Variants in PKIB observed in about 807,000 individuals in gnomAD.
The protein encoded by PKIB is PKI-beta.
In PKIB, 2 loss-of-function variants were observed where a neutral mutation model predicts 4.5. The ratio of observed to expected loss-of-function variants is 0.44; its 90% CI spans 0.18 to 1.39. The LOEUF (loss-of-function observed/expected upper bound fraction) is 1.39, where lower values mean the gene tolerates loss of function less well. PKIB is among the 40% of genes most tolerant of loss of function. The probability of loss-of-function intolerance (pLI) is 0.27; values close to 1 mark genes in which losing one functional copy is unlikely to be tolerated. For missense variants in PKIB, 94 were observed against 92.6 expected, an observed-to-expected ratio of 1.02 and a Z score of -0.06; for synonymous variants, 38 against 36.0, an observed-to-expected ratio of 1.06 and a Z score of -0.20.
intron 2 of PKIB, among the ~76,000 whole-genome samples, chr6:122,659,555 C>T (rs1776905086): frequency 6.6e-6 from 1 of 152,032 alleles, no homozygotes; most frequent in African/African-American, 2.4e-5. Context: ...TATGATTTTC[C>T]TTTCAAACAG....
intron 4 of PKIB, among the ~76,000 whole-genome samples, chr6:122,722,778 A>C (rs982088900): frequency 6.6e-6 from 1 of 152,134 alleles, no homozygotes; most frequent in Non-Finnish European, 1.5e-5. Context: ...CTACTGTCCT[A>C]GTTCTCCATT....
At chr6:122,519,435 C>T (rs1776867619) in intron 2 of PKIB, among the ~76,000 whole-genome samples, 2 of 151,916 alleles carry the variant, frequency 1.3e-5, no homozygotes, top group South Asian at 4.2e-4. Flanking sequence ...TTGCATCATC[C>T]CAAAACCACC....
intron 1 of PKIB, among the ~76,000 whole-genome samples, chr6:122,621,335 A>T (rs1201731964): frequency 1.3e-5 from 2 of 152,170 alleles, no homozygotes; most frequent in Non-Finnish European, 2.9e-5. Context: ...TACCTCCTTG[A>T]TGCTAAGGAA....
chr6:122,522,108 A>G (rs1776962694), intron 2 of PKIB, among the ~76,000 whole-genome samples: 1 of 151,942 alleles, frequency 6.6e-6, no homozygotes, highest in African/African-American at 2.4e-5. Flanking sequence ...TCATTTCCAT[A>G]TTCTAAAATA....
intron 3 of PKIB, among the ~76,000 whole-genome samples, chr6:122,683,811 T>TTTCTTTCTATTGTTAGTTTAG (rs1309070399): frequency 1.8e-4 from 27 of 152,260 alleles, no homozygotes; most frequent in South Asian, 8.3e-4. Flanking sequence ...AATCAGAAAC[T>TTTCTTTCTATTGTTAGTTTAG]TTCCCCTAAA....
intron 2 of PKIB, among the ~76,000 whole-genome samples, chr6:122,674,609 TGG>T: frequency 6.6e-6 from 1 of 152,328 alleles, no homozygotes; most frequent in Non-Finnish European, 1.5e-5. Flanking sequence ...CTGGTAATAT[TGG>T]TACAATGCCT....
chr6:122,602,955 C>CA (rs71021410), intron 3 of PKIB, among the ~76,000 whole-genome samples: 28,650 of 74,706 alleles, frequency 0.38, 5,889 homozygotes, highest in Middle Eastern at 0.48. Context: ...GACTGCGTCT[C>CA]AAAAAAAAAA....
chr6:122,706,357 C>G (rs1231217493), intron 3 of PKIB, among the ~76,000 whole-genome samples: 1 of 152,134 alleles, frequency 6.6e-6, no homozygotes, highest in Non-Finnish European at 1.5e-5. Flanking sequence ...GTTCACAACT[C>G]TTTCAGGGTG....
At chr6:122,476,266 T>C (rs1197974211) in intron 1 of PKIB, among the ~76,000 whole-genome samples, 1 of 152,180 alleles carries the variant, frequency 6.6e-6, no homozygotes, top group African/African-American at 2.4e-5. Flanking sequence ...GTAAACATGT[T>C]TAAGTATTTC....
At chr6:122,669,171 A>G (rs148266121) in intron 2 of PKIB, among the ~76,000 whole-genome samples, 1 of 152,320 alleles carries the variant, frequency 6.6e-6, no homozygotes, top group African/African-American at 2.4e-5. Context: ...TATTGTGAGA[A>G]TTTAAAAAGG....
intron 3 of PKIB, among the ~76,000 whole-genome samples, chr6:122,681,657 A>G (rs1777900227): frequency 1.3e-5 from 2 of 152,250 alleles, no homozygotes; most frequent in African/African-American, 2.4e-5. Context: ...ATAAAGATCA[A>G]TATGTCACCA....
At chr6:122,658,432 G>C (rs1776856772) in intron 2 of PKIB, among the ~76,000 whole-genome samples, 1 of 152,134 alleles carries the variant, frequency 6.6e-6, no homozygotes, top group African/African-American at 2.4e-5. Flanking sequence ...TTTGCTGAGT[G>C]CTTTAAGATT....
At chr6:122,686,851 ATATTT>A (rs1778111683) in intron 3 of PKIB, among the ~76,000 whole-genome samples, 1 of 152,136 alleles carries the variant, frequency 6.6e-6, no homozygotes. Flanking sequence ...AGATCCTTAT[ATATTT>A]TAATTATTAA....
chr6:122,577,997 G>T (rs561297655), intron 2 of PKIB, among the ~76,000 whole-genome samples: 1 of 151,754 alleles, frequency 6.6e-6, no homozygotes, highest in Non-Finnish European at 1.5e-5. Context: ...CATAGTTAGA[G>T]GAGTTTTTTT....
intron 2 of PKIB, among the ~76,000 whole-genome samples, chr6:122,525,044 A>G (rs1777058474): frequency 1.3e-5 from 2 of 148,720 alleles, no homozygotes. Context: ...CCTTAGGTGC[A>G]GTGTTAGGTT....
At chr6:122,660,471 C>T (rs1436959155) in intron 2 of PKIB, among the ~76,000 whole-genome samples, 1 of 152,156 alleles carries the variant, frequency 6.6e-6, no homozygotes, top group Admixed American at 6.5e-5. Context: ...ATGTTGTTCT[C>T]TTACAGACTA....
Position 122,616,070 on chromosome 6 carries a change from T to C in PKIB, c.-161+5535T>C, listed in dbSNP as rs143434503. Among the ~76,000 whole-genome samples the C allele has an allele frequency of 2.5e-3, 387 of 152,226 alleles. 1 individual carries two copies. The highest frequency in any genetic ancestry group is 6.7e-3 in the Admixed American group (103 of 15,272). The stretch of plus-strand genomic sequence containing the variant: ...GTATAACAAGCTCAGAAGATGCAGA[T>C]TGAGTTGACATTGGCATGCAGTAGG... On this transcript the variant is annotated intron_variant, in intron 1 of 4. Transcript: ENST00000368452.
chr6:122,513,777 G>A (rs1776659540), intron 2 of PKIB, among the ~76,000 whole-genome samples: 1 of 152,144 alleles, frequency 6.6e-6, no homozygotes, highest in Admixed American at 6.5e-5. Context: ...ATGGCCTCCA[G>A]CTGTATCTAT....
chr6:122,622,715 C>T (rs201028397), intron 1 of PKIB, among the ~76,000 whole-genome samples: 3 of 152,186 alleles, frequency 2.0e-5, no homozygotes, highest in South Asian at 2.1e-4. Context: ...AGTGGGGGCT[C>T]ACCCCTACCG....
Sources: allele counts gnomAD v4.1 joint callset (sites outside exome capture counted in the v4.1 genomes callset), GRCh38; gene constraint gnomAD v4.1.1; transcripts MANE v1.5; gene names NCBI Gene and HGNC (gene_info 2026-07-23, HGNC 2026-07-21).